ERC1: variants seen among roughly 807,000 people sequenced by gnomAD.
ERC1 encodes the protein RAB6 interacting protein 2.
In ERC1, 56 loss-of-function variants were observed where a neutral mutation model predicts 132.0. The ratio of observed to expected loss-of-function variants is 0.42; its 90% CI spans 0.34 to 0.53. ERC1 has a LOEUF of 0.53. Ranked by LOEUF, ERC1 falls within the 20% of genes least tolerant of loss-of-function variation. ERC1 has a pLI of 0.03. For missense variants in ERC1, 1,202 were observed against 1,349.9 expected (o/e 0.89, Z 1.72); for synonymous variants, 478 against 476.1 (o/e 1.00, Z -0.05).
intron 3 of ERC1, among the ~76,000 whole-genome samples, chr12:1,093,429 C>G (rs145285426): frequency 6.6e-6 from 1 of 152,202 alleles, no homozygotes; most frequent in Admixed American, 6.5e-5. Context: ...TGTTATACAC[C>G]AACATTTGAG....
At position 1,491,423 on chromosome 12, in the gene ERC1, C is replaced by A. The variant is rs185592647; in HGVS notation, c.*1193C>A. 2.3e-4 allele frequency: 52 copies of A among 230,854 alleles called. No individual in the cohort carries two copies. Among genetic ancestry groups the A allele is most frequent in the African/African-American group, 1.1e-3 (51 of 45,334 alleles). 14.3% of individuals were successfully genotyped at this position (230,854 alleles called of 1,614,324 possible). A position where few individuals can be genotyped will look rare whatever the true frequency, so the allele number is the denominator to read the frequency against. ...CATTCAGAGAATATTTATGAAATGC[C>A]TACTGTGTGCAAGTCATCCATCCTT... On this transcript the variant is annotated 3_prime_UTR_variant, in exon 19 of 19. Transcript: ENST00000360905.
intron 8 of ERC1, among the ~76,000 whole-genome samples, chr12:1,154,416 A>G (rs769659145): frequency 2.6e-5 from 4 of 151,708 alleles, no homozygotes; most frequent in Non-Finnish European, 4.4e-5. Context: ...AAATTAACCT[A>G]GGTGGATTAA....
chr12:1,004,827 TGTGTGTGTGTG>T (rs1168434007), intron 1 of ERC1, among the ~76,000 whole-genome samples: 2 of 141,616 alleles, frequency 1.4e-5, no homozygotes, highest in African/African-American at 2.5e-5. Context: ...TGTGTGTGTG[TGTGTGTGTGTG>T]TGTGTGTGTG....
chr12:1,270,860 A>G (rs181630655), intron 14 of ERC1, among the ~76,000 whole-genome samples: 5 of 152,046 alleles, frequency 3.3e-5, no homozygotes, highest in South Asian at 2.1e-4. Flanking sequence ...TTACATTAGT[A>G]TAAAATTCTA....
intron 2 of ERC1, among the ~76,000 whole-genome samples, chr12:1,042,172 G>A (rs1446182128): frequency 1.3e-5 from 2 of 151,582 alleles, no homozygotes; most frequent in African/African-American, 2.4e-5. Context: ...CGAGTAGCTG[G>A]GACTACAGGC....
At chr12:1,157,209 A>G (rs185718056) in intron 8 of ERC1, among the ~76,000 whole-genome samples, 3 of 152,180 alleles carry the variant, frequency 2.0e-5, no homozygotes, top group African/African-American at 4.8e-5. Flanking sequence ...CTCCAAGCCA[A>G]CCTTCCACCT....
intron 15 of ERC1, among the ~76,000 whole-genome samples, chr12:1,322,445 C>T (rs2082177407): frequency 6.6e-6 from 1 of 152,128 alleles, no homozygotes; most frequent in Non-Finnish European, 1.5e-5. Context: ...CAAGCAGCAT[C>T]CATAGTAATT....
intron 1 of ERC1, among the ~76,000 whole-genome samples, chr12:1,009,438 T>C (rs1964319445): frequency 6.6e-6 from 1 of 152,182 alleles, no homozygotes. Flanking sequence ...CCTCCCAAAG[T>C]GCTGGGATTA....
intron 3 of ERC1, among the ~76,000 whole-genome samples, chr12:1,092,904 T>C (rs1943433811): frequency 1.3e-5 from 2 of 152,208 alleles, no homozygotes; most frequent in South Asian, 2.1e-4. Flanking sequence ...GAGGTTGCAG[T>C]GAGCCAGGAT....
At chr12:1,396,086 T>C in intron 16 of ERC1, among the ~76,000 whole-genome samples, 1 of 152,346 alleles carries the variant, frequency 6.6e-6, no homozygotes, top group South Asian at 2.1e-4. Flanking sequence ...CTAGAGTTCT[T>C]TTGTGAAACT....
chr12:993,667 G>A (rs538903223), intron 1 of ERC1, among the ~76,000 whole-genome samples: 3 of 152,320 alleles, frequency 2.0e-5, no homozygotes, highest in Admixed American at 6.5e-5. Flanking sequence ...ACTTTGGGAG[G>A]CCGAGGCAGG....
At chr12:1,465,725 G>A (rs1356093949) in intron 18 of ERC1, among the ~76,000 whole-genome samples, 1 of 152,220 alleles carries the variant, frequency 6.6e-6, no homozygotes, top group African/African-American at 2.4e-5. Context: ...TGGGGGCAGT[G>A]TGGCCACAGC....
chr12:1,190,097 T>C (rs754951803), intron 12 of ERC1, 45 bp downstream of exon 12: 2 of 1,516,766 alleles, frequency 1.3e-6, no homozygotes, highest in Admixed American at 3.3e-5. Flanking sequence ...TAAAGTATGG[T>C]TTTAAAAGTA....
intron 2 of ERC1, among the ~76,000 whole-genome samples, chr12:1,063,356 G>A (rs1005464778): frequency 1.3e-5 from 2 of 151,460 alleles, no homozygotes; most frequent in African/African-American, 4.9e-5. Flanking sequence ...CACCTCCTGG[G>A]TTCCAGTGAT....
chr12:1,404,620 G>A (rs1053104051), intron 16 of ERC1, among the ~76,000 whole-genome samples: 1 of 152,160 alleles, frequency 6.6e-6, no homozygotes, highest in Non-Finnish European at 1.5e-5. Flanking sequence ...TACAAACTTT[G>A]GCCATAGAAC....
chr12:1,264,391 G>A (rs1438746386), intron 14 of ERC1, among the ~76,000 whole-genome samples: 6 of 152,096 alleles, frequency 3.9e-5, no homozygotes, highest in African/African-American at 9.7e-5. Flanking sequence ...GGCCGAGCGC[G>A]GTGGTTCACG....
chr12:1,450,584 G>A (rs1183707180), intron 18 of ERC1, among the ~76,000 whole-genome samples: 1 of 152,170 alleles, frequency 6.6e-6, no homozygotes, highest in Non-Finnish European at 1.5e-5. Flanking sequence ...TAGCTCTCAT[G>A]AATAGTGCTA....
intron 15 of ERC1, among the ~76,000 whole-genome samples, chr12:1,306,557 C>G (rs2080898464): frequency 6.6e-6 from 1 of 151,930 alleles, no homozygotes; most frequent in African/African-American, 2.4e-5. Flanking sequence ...GTAGCTAAAC[C>G]CCTCAGTGCT....
At chr12:1,382,162 T>C (rs930289581) in intron 16 of ERC1, among the ~76,000 whole-genome samples, 1 of 152,228 alleles carries the variant, frequency 6.6e-6, no homozygotes, top group Non-Finnish European at 1.5e-5. Flanking sequence ...TAAATAAGTA[T>C]ATAATCTTGA....
Sources: gnomAD v4.1 joint callset for allele counts (sites outside exome capture counted in the v4.1 genomes callset) on GRCh38, gnomAD v4.1.1 for gene constraint, MANE v1.5 for transcripts, NCBI Gene and HGNC (gene_info 2026-07-23, HGNC 2026-07-21) for gene names.